The following ASRGL1 variants were observed in gnomAD, a reference collection of about 807,000 sequenced individuals.
The protein encoded by ASRGL1 is isoaspartyl peptidase/L-asparaginase.
A neutral mutation model predicts 22.4 loss-of-function variants in ASRGL1; 16 were observed. The observed-to-expected ratio is 0.71, with a 90% CI of 0.48 to 1.08. The LOEUF is 1.08. Ranked by LOEUF, ASRGL1 falls within the 50% of genes least tolerant of loss-of-function variation. The pLI, the probability that ASRGL1 is intolerant of heterozygous loss-of-function variation, is 0.00. For synonymous variants in ASRGL1, 165 were observed against 159.3 expected (o/e 1.04, Z -0.27); for missense variants, 412 against 410.1 (o/e 1.00, Z -0.04).
rs769362763 is a variant in ASRGL1, at chr11:62,356,371, T to C, written c.237T>C (p.Ala79=). Residue 79 remains alanine, a synonymous_variant, in exon 3 of 7, where the codon GCT becomes GCC. Coordinates refer to ENST00000415229, the MANE Select transcript of ASRGL1 (RefSeq NM_001083926.2). ...CAAATGGTGAGGTTGAAATGGATGC[T>C]AGTATCATGGATGGAAAAGACCTGT... The part of the protein sequence containing the change: ...LNTNGEVEMD[A]SIMDGKDLSA... 1.1e-5 allele frequency: 18 copies of C among 1,614,090 alleles called. No homozygotes were observed. In the South Asian group the frequency reaches 2.0e-4, roughly 18 times the overall value.
chr11:62,357,032 G>C lies in ASRGL1; in HGVS notation c.379G>C (p.Ala127Pro), dbSNP rs934405766. The change falls in exon 4 of 7, where the codon GCA becomes CCA. Residue 127 changes from alanine to proline, a missense_variant. By Grantham distance (27) the Ala-to-Pro change is conservative. Coordinates refer to ENST00000415229, the MANE Select transcript of ASRGL1 (RefSeq NM_001083926.2). ...LTDQGAAQFA[A>P]AMGVPEIPGE... ...TGACCAAGGCGCAGCGCAGTTTGCAGCAGCTATGGGGGTTCCAGAGATTCC... is the reference window on the plus strand; with the variant it reads ...TGACCAAGGCGCAGCGCAGTTTGCACCAGCTATGGGGGTTCCAGAGATTCC... 1 of 1,614,046 alleles carries C rather than the reference G, an allele frequency of 6.2e-7. No individual in the cohort carries two copies.
chr11:62,379,499 A>G (rs1301788243), intron 4 of ASRGL1, among the ~76,000 whole-genome samples: 1 of 152,190 alleles, frequency 6.6e-6, no homozygotes, highest in Non-Finnish European at 1.5e-5. Context: ...CAAGGAATTG[A>G]GGAGCTAATA....
At chr11:62,348,349 C>T (rs1475904943) in intron 2 of ASRGL1, among the ~76,000 whole-genome samples, 1 of 152,050 alleles carries the variant, frequency 6.6e-6, no homozygotes, top group Non-Finnish European at 1.5e-5. Flanking sequence ...TTTTCAAAAG[C>T]AGTTTAGGGA....
In ASRGL1 at chr11:62,378,893, A is replaced by G. The variant is rs144035212; in HGVS notation, c.492-10240A>G. Among the ~76,000 whole-genome samples the G allele has an allele frequency of 4.4e-3, 670 of 152,234 alleles. 7 individuals carry two copies. Among genetic ancestry groups the G allele is most frequent in the African/African-American group, 0.015 (613 of 41,516 alleles). Reference sequence around the variant, plus strand: ...TCTACAGTGGCCACCCCTAAAAAGGATACCCTATTCCTTTTCTTTCTTGAT... The same window carrying G: ...TCTACAGTGGCCACCCCTAAAAAGGGTACCCTATTCCTTTTCTTTCTTGAT... On this transcript the variant is annotated intron_variant, in intron 4 of 6. Transcript: ENST00000415229.
chr11:62,338,506 G>C (rs1453659243), intron 2 of ASRGL1, among the ~76,000 whole-genome samples: 3 of 152,170 alleles, frequency 2.0e-5, no homozygotes, highest in Non-Finnish European at 4.4e-5. Context: ...TACTGGGGGA[G>C]GGGGAGTGGT....
chr11:62,396,718 CAG>C (rs1255964002), downstream of ASRGL1, among the ~76,000 whole-genome samples: 3 of 151,934 alleles, frequency 2.0e-5, no homozygotes, highest in African/African-American at 7.3e-5. Context: ...TTTTCAGTGA[CAG>C]AGGTAGGGGC....
At position 62,338,076 on chromosome 11, in the gene ASRGL1, G is replaced by C. The variant is rs771674934; in HGVS notation, c.99G>C (p.Val33=). ...AGGGCATGGTCAGAGCCGCCACCGTGGGCTACGGCATCCTCCGGGAGGGCG... is the reference window on the plus strand; with the variant it reads ...AGGGCATGGTCAGAGCCGCCACCGTCGGCTACGGCATCCTCCGGGAGGGCG... ...VHQGMVRAAT[V]GYGILREGGS... Residue 33 remains valine, a synonymous_variant, in exon 2 of 7, where the codon GTG becomes GTC. Coordinates refer to ENST00000415229, the MANE Select transcript of ASRGL1 (RefSeq NM_001083926.2). 29 of 1,607,926 alleles carry C rather than the reference G, an allele frequency of 1.8e-5. No homozygotes were observed. Among genetic ancestry groups the C allele is most frequent in the Non-Finnish European group, 2.5e-5 (29 of 1,177,700 alleles).
Position 62,375,140 on chromosome 11 carries a change from G to A in ASRGL1, c.492-13993G>A, listed in dbSNP as rs1590745727. Among the ~76,000 whole-genome samples, 4 of 152,040 alleles carry A rather than the reference G, an allele frequency of 2.6e-5. 1 individual carries two copies. The East Asian group carries it at 5.8e-4, about 22-fold the overall frequency. ...CTGGAGCAGGAAAGGGATCTTCAAA[G>A]TGAAGACTGCCTTGTCCCGCACCTC... On this transcript the variant is annotated intron_variant, in intron 4 of 6. Coordinates refer to ENST00000415229, the MANE Select transcript of ASRGL1 (RefSeq NM_001083926.2).
chr11:62,375,132 T>G (rs1354714266), intron 4 of ASRGL1, among the ~76,000 whole-genome samples: 1 of 151,988 alleles, frequency 6.6e-6, no homozygotes, highest in Non-Finnish European at 1.5e-5. Context: ...AGGAAAGGGA[T>G]CTTCAAAGTG....
chr11:62,365,067 C>CAA (rs771170549), intron 4 of ASRGL1, among the ~76,000 whole-genome samples: 4 of 82,078 alleles, frequency 4.9e-5, no homozygotes, highest in Non-Finnish European at 5.1e-5. Context: ...AACTCCATCT[C>CAA]AAAAAAAAAA....
chr11:62,398,649 C>T, the ASRGL1 span, among the ~76,000 whole-genome samples: 3 of 152,228 alleles, frequency 2.0e-5, no homozygotes, highest in Admixed American at 6.5e-5. Flanking sequence ...ATCTGCTCCC[C>T]GCCCCTCCCC....
intron 4 of ASRGL1, among the ~76,000 whole-genome samples, chr11:62,361,499 T>A (rs2134622778): frequency 6.7e-6 from 1 of 148,182 alleles, no homozygotes; most frequent in East Asian, 2.0e-4. Context: ...TTTTTTTTTT[T>A]TTTTTTTGAG....
At chr11:62,378,600 A>C (rs58158273) in intron 4 of ASRGL1, among the ~76,000 whole-genome samples, 86 of 152,290 alleles carry the variant, frequency 5.6e-4, no homozygotes, top group African/African-American at 2.1e-3. Context: ...TCATGGCCAG[A>C]GAGGGCAACC....
At position 62,375,431 on chromosome 11, in the gene ASRGL1, TATATATATATATA is replaced by T. The variant is rs1946891723; in HGVS notation, c.492-13701_492-13689del. On this transcript the variant is annotated intron_variant, in intron 4 of 6. Coordinates refer to ENST00000415229, the MANE Select transcript of ASRGL1 (RefSeq NM_001083926.2). ...TTAGTGCTGTAATTGTCTTACTTTA[TATATATATATATA>T]TATATATATATATATATATATATAT... 1.1e-3 allele frequency among the ~76,000 whole-genome samples: 5 copies of T among 4,384 alleles called. No individual in the cohort carries two copies. In the South Asian group the frequency reaches 0.029, roughly 25 times the overall value. The allele number at this position is 4,384 out of a possible 152,430, so 2.9% of individuals were successfully genotyped here.
intron 4 of ASRGL1, among the ~76,000 whole-genome samples, chr11:62,376,288 G>T (rs1946929176): frequency 6.6e-6 from 1 of 151,290 alleles, no homozygotes; most frequent in Non-Finnish European, 1.5e-5. Context: ...TCACCATTCT[G>T]TTCATCATAT....
chr11:62,348,269 T>C (rs569053502), intron 2 of ASRGL1, among the ~76,000 whole-genome samples: 1 of 152,294 alleles, frequency 6.6e-6, no homozygotes, highest in East Asian at 1.9e-4. Context: ...ATAGACCACA[T>C]GGCCAGCCAC....
chr11:62,341,900 C>T (rs1015954657), intron 2 of ASRGL1, among the ~76,000 whole-genome samples: 5 of 152,146 alleles, frequency 3.3e-5, no homozygotes, highest in African/African-American at 1.2e-4. Flanking sequence ...TTGTCATTTC[C>T]AGGATGTCGT....
the ASRGL1 span, among the ~76,000 whole-genome samples, chr11:62,400,975 G>A: frequency 6.6e-5 from 10 of 152,194 alleles, no homozygotes; most frequent in Admixed American, 6.5e-4. Context: ...TCTGCGCCCC[G>A]CCCTGCCCAT....
chr11:62,362,470 T>C (rs1224219985), intron 4 of ASRGL1, among the ~76,000 whole-genome samples: 1 of 118,228 alleles, frequency 8.5e-6, no homozygotes, highest in African/African-American at 3.2e-5. Flanking sequence ...ATATATATAT[T>C]ATATAAAATA....
Sources: allele counts gnomAD v4.1 joint callset (sites outside exome capture counted in the v4.1 genomes callset), GRCh38; gene constraint gnomAD v4.1.1; transcripts MANE v1.5; gene names NCBI Gene and HGNC (gene_info 2026-07-23, HGNC 2026-07-21).